LEKR1: variants seen among roughly 807,000 people sequenced by gnomAD.
LEKR1 encodes protein LEKR1.
In LEKR1, 59 loss-of-function variants were observed where a neutral mutation model predicts 72.4. The observed-to-expected ratio is 0.82, with a 90% confidence interval of 0.66 to 1.01. The LOEUF is 1.01. Ranked by LOEUF, LEKR1 falls within the 50% of genes least tolerant of loss-of-function variation. The pLI is 0.00. For synonymous variants in LEKR1, 257 were observed against 263.2 expected (o/e 0.98, Z 0.23); for missense variants, 728 against 759.2 (o/e 0.96, Z 0.48).
intron 2 of LEKR1, among the ~76,000 whole-genome samples, chr3:156,837,684 G>C (rs76234841): frequency 0.024 from 3,682 of 152,294 alleles, 140 homozygotes; most frequent in East Asian, 0.15. Flanking sequence ...AAGTGCACTA[G>C]ATTTGCTACA....
At position 156,852,867 on chromosome 3, in the gene LEKR1, G is replaced by C. The variant is rs1350802931; in HGVS notation, c.148G>C (p.Glu50Gln). The C allele has an allele frequency of 3.3e-6, 5 of 1,534,702 alleles. No individual in the cohort carries two copies. The Admixed American group carries it at 7.9e-5, about 24-fold the overall frequency. ...MEEKVKAMEK[E>Q]MKFYQGSVDR... is the part of the protein sequence containing the mutation. Reference sequence around the variant, plus strand: ...AGAAAAAGTGAAAGCAATGGAAAAAGAGATGAAATTTTATCAAGGAAGTGT... The same window carrying C: ...AGAAAAAGTGAAAGCAATGGAAAAACAGATGAAATTTTATCAAGGAAGTGT... The change falls in exon 3 of 13, where the codon GAG becomes CAG. Residue 50 changes from glutamate to glutamine, a missense_variant. Coordinates refer to ENST00000356539, the MANE Select transcript of LEKR1 (RefSeq NM_001004316.3).
intron 6 of LEKR1, among the ~76,000 whole-genome samples, chr3:156,971,185 G>T (rs1022699586): frequency 6.6e-6 from 1 of 152,054 alleles, no homozygotes; most frequent in Non-Finnish European, 1.5e-5. Flanking sequence ...AAATAACGCC[G>T]CATGTCTACG....
chr3:157,044,000 G>T (rs780283319), intron 12 of LEKR1, among the ~76,000 whole-genome samples: 23 of 152,126 alleles, frequency 1.5e-4, no homozygotes, highest in Non-Finnish European at 2.4e-4. Context: ...ACCAAATTTG[G>T]AATTGAATAG....
intron 7 of LEKR1, among the ~76,000 whole-genome samples, chr3:156,980,236 T>C (rs913965411): frequency 6.6e-6 from 1 of 152,056 alleles, no homozygotes; most frequent in African/African-American, 2.4e-5. Context: ...CAACCAAATG[T>C]TTGTGTTGAC....
chr3:156,920,796 G>A, intron 4 of LEKR1, 102 bp downstream of exon 4: 1 of 632,424 alleles, frequency 1.6e-6, no homozygotes, highest in Non-Finnish European at 2.5e-6. Flanking sequence ...TCTATATCTG[G>A]TGTGATTGAG....
At chr3:156,875,837 T>C (rs1470711294) in intron 3 of LEKR1, among the ~76,000 whole-genome samples, 1 of 151,378 alleles carries the variant, frequency 6.6e-6, no homozygotes, top group Non-Finnish European at 1.5e-5. Flanking sequence ...CTACTAAAAA[T>C]ACAAAAAATT....
chr3:156,932,991 C>G (rs929845082), intron 5 of LEKR1, among the ~76,000 whole-genome samples: 1 of 152,124 alleles, frequency 6.6e-6, no homozygotes, highest in African/African-American at 2.4e-5. Context: ...GATCATGCCA[C>G]TGCACTCCAG....
chr3:156,952,737 T>C (rs1727277710), intron 6 of LEKR1, among the ~76,000 whole-genome samples: 1 of 151,572 alleles, frequency 6.6e-6, no homozygotes, highest in Non-Finnish European at 1.5e-5. Context: ...TGCCTTCTTA[T>C]AAATGAAGTA....
chr3:156,982,212 G>A (rs1730261191), intron 7 of LEKR1, among the ~76,000 whole-genome samples: 1 of 152,178 alleles, frequency 6.6e-6, no homozygotes, highest in Non-Finnish European at 1.5e-5. Context: ...TAGTTGATAA[G>A]AGTCTCAGCA....
intron 6 of LEKR1, among the ~76,000 whole-genome samples, chr3:156,961,436 C>T (rs1193991584): frequency 6.6e-6 from 1 of 152,230 alleles, no homozygotes; most frequent in African/African-American, 2.4e-5. Context: ...TCCCCTTACA[C>T]TCCTGCCCCT....
Position 157,024,877 on chromosome 3 carries a change from G to A in LEKR1, c.1321G>A (p.Asp441Asn). 1 of 1,607,116 alleles carries A rather than the reference G, an allele frequency of 6.2e-7. No homozygotes were observed. Among genetic ancestry groups the A allele is most frequent in the Non-Finnish European group, 8.5e-7 (1 of 1,175,152 alleles). ...QLDIEKEKHQ[D>N]VIQKYKKEQE... Reference sequence around the variant, plus strand: ...TGATATTGAAAAAGAAAAACACCAAGATGTAATCCAAAAGTATAAGAAAGA... The same window carrying A: ...TGATATTGAAAAAGAAAAACACCAAAATGTAATCCAAAAGTATAAGAAAGA... The change falls in exon 11 of 13, where the codon GAT becomes AAT. Residue 441 changes from aspartate to asparagine, a missense_variant. Asp to Asn is a conservative substitution (Grantham distance 23). Transcript: ENST00000356539.
chr3:157,044,077 T>A (rs1459721596), intron 12 of LEKR1, among the ~76,000 whole-genome samples: 1 of 152,202 alleles, frequency 6.6e-6, no homozygotes, highest in Admixed American at 6.5e-5. Context: ...GCTTTGTTAT[T>A]TAGTTCTTCT....
In LEKR1 at chr3:157,002,690, A is replaced by G. The variant is rs80344812; in HGVS notation, c.1110-8723A>G. ...TTCTGTAACCATAATATCAAGCAAA[A>G]TTACCATCACAGATACAAATTTATA... On this transcript the variant is annotated intron_variant, in intron 9 of 12. Transcript: ENST00000356539. Among the ~76,000 whole-genome samples, 23 of 152,282 alleles carry G rather than the reference A, an allele frequency of 1.5e-4. No individual in the cohort carries two copies. In the East Asian group the frequency reaches 1.9e-3, roughly 13 times the overall value.
intron 7 of LEKR1, among the ~76,000 whole-genome samples, chr3:156,983,892 C>G (rs543275247): frequency 8.3e-4 from 126 of 152,222 alleles, no homozygotes; most frequent in African/African-American, 2.9e-3. Flanking sequence ...TTCAACACAA[C>G]CAAAGATTAC....
intron 2 of LEKR1, among the ~76,000 whole-genome samples, chr3:156,842,501 C>T (rs1714067907): frequency 6.6e-6 from 1 of 151,946 alleles, no homozygotes. Flanking sequence ...AGAGCCTTTC[C>T]TATTTATTTC....
chr3:156,953,045 G>T (rs1422564407), intron 6 of LEKR1, among the ~76,000 whole-genome samples: 1 of 151,058 alleles, frequency 6.6e-6, no homozygotes, highest in African/African-American at 2.4e-5. Flanking sequence ...TTATTTACTT[G>T]TACTCTCTAT....
chr3:156,977,141 A>G (rs1463702190), intron 6 of LEKR1, among the ~76,000 whole-genome samples: 2 of 152,182 alleles, frequency 1.3e-5, no homozygotes, highest in South Asian at 4.2e-4. Context: ...TTCTCTGGGC[A>G]TGCAGCCCTT....
At chr3:156,889,152 C>T (rs1488754288) in intron 3 of LEKR1, among the ~76,000 whole-genome samples, 2 of 152,000 alleles carry the variant, frequency 1.3e-5, no homozygotes, top group South Asian at 2.1e-4. Flanking sequence ...TTATTTAGTA[C>T]CTCATTTTAC....
intron 2 of LEKR1, among the ~76,000 whole-genome samples, chr3:156,837,055 T>C (rs991426039): frequency 5.9e-5 from 9 of 152,200 alleles, no homozygotes; most frequent in Non-Finnish European, 1.3e-4. Flanking sequence ...TTATGGAGAA[T>C]AAAAGATTTC....
Sources: allele counts gnomAD v4.1 joint callset (sites outside exome capture counted in the v4.1 genomes callset), GRCh38; gene constraint gnomAD v4.1.1; transcripts MANE v1.5; gene names NCBI Gene and HGNC (gene_info 2026-07-23, HGNC 2026-07-21).